SHISA5: variants seen among roughly 807,000 people sequenced by gnomAD.
The protein encoded by SHISA5 is shisa family member 5, also known as protein shisa-5.
In SHISA5, 21 loss-of-function variants were observed where a neutral mutation model predicts 27.5. That is an observed-to-expected ratio of 0.76 (90% CI 0.54 to 1.10). The LOEUF is 1.10. SHISA5 is among the 50% of genes least tolerant of loss of function. The probability of loss-of-function intolerance (pLI) is 0.00; values close to 1 mark genes in which losing one functional copy is unlikely to be tolerated. For synonymous variants in SHISA5, 137 were observed against 142.2 expected, an observed-to-expected ratio of 0.96 and a Z score of 0.26; for missense variants, 314 against 336.3, an observed-to-expected ratio of 0.93 and a Z score of 0.52.
chr3:48,469,695 G>C lies in SHISA5; in HGVS notation c.430+33C>G. 6.2e-7 allele frequency: 1 copy of C among 1,612,676 alleles called. No individual in the cohort carries two copies. The highest frequency in any genetic ancestry group is 1.7e-5 in the Admixed American group (1 of 59,768). ...TGGTCAGCTTCCCTTACCACCCCAG[G>C]GGGTCACAGTGGGGCAGGGTGGGCA... On this transcript the variant is annotated intron_variant, in intron 4 of 5. Transcript: ENST00000296444. This position sits in a 1 kb window ranked among gnomAD's most constrained non-coding sequence, Gnocchi z 4.6.
intron 2 of SHISA5, among the ~76,000 whole-genome samples, chr3:48,486,519 TATATATAATATAATTATA>T (rs2041250919): frequency 1.7e-5 from 2 of 118,916 alleles, no homozygotes; most frequent in South Asian, 4.5e-4. Flanking sequence ...TAATATACAA[TATATATAATATAATTATA>T]AATATATATT....
intron 2 of SHISA5, among the ~76,000 whole-genome samples, chr3:48,498,462 A>G (rs6809981): frequency 0.13 from 19,044 of 151,874 alleles, 2,627 homozygotes; most frequent in African/African-American, 0.34. Context: ...CGAGGCAGAC[A>G]GATTGCCTGA....
At chr3:48,498,590 G>C (rs189266519) in intron 2 of SHISA5, among the ~76,000 whole-genome samples, 3 of 151,502 alleles carry the variant, frequency 2.0e-5, no homozygotes, top group Non-Finnish European at 2.9e-5. Context: ...GGGAAGCTGA[G>C]GCAGGATAAT....
At chr3:48,485,507 AT>A (rs2041175282) in intron 2 of SHISA5, among the ~76,000 whole-genome samples, 2 of 140,488 alleles carry the variant, frequency 1.4e-5, no homozygotes, top group Admixed American at 1.4e-4. Flanking sequence ...ATCTCAAAAA[AT>A]ATATATTTTT....
chr3:48,484,948 C>A (rs1240186950), intron 2 of SHISA5, among the ~76,000 whole-genome samples: 1 of 152,118 alleles, frequency 6.6e-6, no homozygotes, highest in Non-Finnish European at 1.5e-5. Context: ...GCATGTAGTA[C>A]TTTGGGAGGC....
chr3:48,484,764 G>A (rs2107338976), intron 2 of SHISA5, among the ~76,000 whole-genome samples: 1 of 150,736 alleles, frequency 6.6e-6, no homozygotes, highest in South Asian at 2.1e-4. Flanking sequence ...GTGGTGGCAG[G>A]TGCCTGTAGC....
At chr3:48,472,914 A>G in intron 3 of SHISA5, 1 of 1,233,206 alleles carries the variant, frequency 8.1e-7, no homozygotes. Flanking sequence ...TTCACACGCC[A>G]TCAATGACAT....
At chr3:48,490,222 C>T (rs949688937) in intron 2 of SHISA5, among the ~76,000 whole-genome samples, 3 of 152,172 alleles carry the variant, frequency 2.0e-5, no homozygotes, top group Non-Finnish European at 2.9e-5. Context: ...TACAGGCATG[C>T]GCCACCATAC....
chr3:48,482,682 C>G (rs183487580), intron 2 of SHISA5, among the ~76,000 whole-genome samples: 121 of 152,042 alleles, frequency 8.0e-4, no homozygotes, highest in African/African-American at 2.9e-3. Context: ...GTCGCCCAGG[C>G]TGGAGTGCAG....
At chr3:48,501,429 G>A (rs1333001856) in intron 1 of SHISA5, 136 bp from the exon 2 acceptor site, 1 of 986,516 alleles carries the variant, frequency 1.0e-6, no homozygotes, top group Admixed American at 2.4e-5. Flanking sequence ...CTAGCCACAG[G>A]CCACCTTCTG....
Position 48,468,312 on chromosome 3 carries a change from G to T in SHISA5, c.*795C>A. ...GAACTGAGTGTGCTGGTGGACAGGA[G>T]CCCTGCTCACCTGTGGGAAGGGCAG... On this transcript the variant is annotated 3_prime_UTR_variant, in exon 6 of 6. Transcript: ENST00000296444. 9.7e-7 allele frequency: 1 copy of T among 1,030,042 alleles called. No homozygotes were observed. Among genetic ancestry groups the T allele is most frequent in the Non-Finnish European group, 1.2e-6 (1 of 856,560 alleles). The allele number at this position is 1,030,042 out of a possible 1,614,324, so 63.8% of individuals were successfully genotyped here. A position where few individuals can be genotyped will look rare whatever the true frequency, so the allele number is the denominator to read the frequency against.
intron 3 of SHISA5, chr3:48,476,955 C>T: frequency 2.5e-6 from 1 of 406,004 alleles, no homozygotes. Flanking sequence ...CACATGCACA[C>T]CTTGGGGAGT....
rs1002200102 is a variant in SHISA5 at position 48,468,196 on chromosome 3, A to C, written c.*911T>G. 33 of 1,001,312 alleles carry C rather than the reference A, an allele frequency of 3.3e-5. No individual in the cohort carries two copies. The African/African-American group carries it at 5.6e-4, about 17-fold the overall frequency. The allele number at this position is 1,001,312 out of a possible 1,614,324, so 62.0% of individuals were successfully genotyped here. A position where few individuals can be genotyped will look rare whatever the true frequency, so the allele number is the denominator to read the frequency against. ...CTGAGCCAATTTCCCTCCACAACCCAGGGGTTTCAGTCTCATATCAACTAT... is the reference window on the plus strand; with the variant it reads ...CTGAGCCAATTTCCCTCCACAACCCCGGGGTTTCAGTCTCATATCAACTAT... On this transcript the variant is annotated 3_prime_UTR_variant, in exon 6 of 6. Coordinates refer to ENST00000296444, the MANE Select transcript of SHISA5 (RefSeq NM_016479.6).
Position 48,468,435 on chromosome 3 carries a change from T to A in SHISA5, c.*672A>T, listed in dbSNP as rs2040439429. 6 of 1,145,398 alleles carry A rather than the reference T, an allele frequency of 5.2e-6. No homozygotes were observed. The highest frequency in any genetic ancestry group is 6.5e-6 in the Non-Finnish European group (6 of 921,610). 71.0% of individuals were successfully genotyped at this position (1,145,398 alleles called of 1,614,324 possible). Reference sequence around the variant, plus strand: ...GGGGAGATGCGGGGACAGGGGACAGTCCAGGCAGACAGGTACAGCTGAGTA... The same window carrying A: ...GGGGAGATGCGGGGACAGGGGACAGACCAGGCAGACAGGTACAGCTGAGTA... On this transcript the variant is annotated 3_prime_UTR_variant, in exon 6 of 6. Coordinates refer to ENST00000296444, the MANE Select transcript of SHISA5 (RefSeq NM_016479.6).
At chr3:48,492,439 C>T in intron 2 of SHISA5, among the ~76,000 whole-genome samples, 1 of 148,176 alleles carries the variant, frequency 6.7e-6, no homozygotes, top group Non-Finnish European at 1.5e-5. Flanking sequence ...CACTGCAGTC[C>T]CGCCTGGGTG....
intron 2 of SHISA5, among the ~76,000 whole-genome samples, chr3:48,481,528 C>T (rs1257233100): frequency 2.6e-5 from 4 of 152,090 alleles, no homozygotes; most frequent in South Asian, 2.1e-4. Flanking sequence ...TGGTGGCTCA[C>T]GCCTGTAATA....
intron 2 of SHISA5, among the ~76,000 whole-genome samples, chr3:48,481,446 T>A (rs1440313709): frequency 6.7e-6 from 1 of 148,780 alleles, no homozygotes; most frequent in East Asian, 2.0e-4. Flanking sequence ...CTCAAAAAAA[T>A]AAAATAAAAT....
intron 3 of SHISA5, among the ~76,000 whole-genome samples, chr3:48,474,211 C>T (rs979573230): frequency 2.0e-5 from 3 of 151,782 alleles, no homozygotes; most frequent in African/African-American, 7.3e-5. Flanking sequence ...CCTCAGTCCC[C>T]CAAGTAGCTG....
chr3:48,504,103 G>A lies in SHISA5; in HGVS notation c.-9C>T, dbSNP rs2041833675. ...GGGACCGGCGCAGTCATGGCTGGGC[G>A]GGCGGACGGGCGGACGGACGCGAGC... On this transcript the variant is annotated 5_prime_UTR_variant, in exon 1 of 6. Coordinates refer to ENST00000296444, the MANE Select transcript of SHISA5 (RefSeq NM_016479.6). The surrounding 1 kb of genome is among the most constrained non-coding windows in gnomAD (Gnocchi z 4.0). The A allele has an allele frequency of 5.6e-6, 7 of 1,251,968 alleles. No individual in the cohort carries two copies. In the South Asian group the frequency reaches 1.3e-4, roughly 23 times the overall value. The allele number at this position is 1,251,968 out of a possible 1,614,324, so 77.6% of individuals were successfully genotyped here.
Sources: allele counts gnomAD v4.1 joint callset (sites outside exome capture counted in the v4.1 genomes callset), GRCh38; gene constraint gnomAD v4.1.1; non-coding constraint Gnocchi (gnomAD v3.1); transcripts MANE v1.5; gene names NCBI Gene and HGNC (gene_info 2026-07-23, HGNC 2026-07-21).